GSN: variants seen among roughly 807,000 people sequenced by gnomAD.
GSN encodes actin-depolymerizing factor.
Under a neutral mutation model 85.7 loss-of-function variants are expected in GSN, and 56 were observed. The ratio of observed to expected loss-of-function variants is 0.65; its 90% CI spans 0.53 to 0.82. GSN has a LOEUF of 0.82. Among genes scored for constraint, GSN ranks in the 40% least tolerant of loss-of-function variants. The pLI is 0.00. For synonymous variants in GSN, 373 were observed against 399.1 expected, an observed-to-expected ratio of 0.93 and a Z score of 0.78; for missense variants, 857 against 979.8, an observed-to-expected ratio of 0.87 and a Z score of 1.67.
upstream of GSN, among the ~76,000 whole-genome samples, chr9:121,205,033 C>T (rs117335954): frequency 7.6e-3 from 1,153 of 152,258 alleles, 6 homozygotes; most frequent in Non-Finnish European, 0.013. Context: ...AATAAAAAGC[C>T]CACAAGGAGC....
At chr9:121,249,467 A>G (rs557141314) in intron 6 of GSN, among the ~76,000 whole-genome samples, 4 of 152,240 alleles carry the variant, frequency 2.6e-5, no homozygotes, top group East Asian at 3.9e-4. Context: ...ACAGCCTGAG[A>G]CCCTGTCTCA....
At chr9:121,272,492 G>A (rs1381908180) in intron 1 of GSN, among the ~76,000 whole-genome samples, 1 of 152,222 alleles carries the variant, frequency 6.6e-6, no homozygotes, top group Non-Finnish European at 1.5e-5. Flanking sequence ...CTCCCCACAT[G>A]TACTTGGGTC....
At position 121,260,115 on chromosome 9, in the gene GSN, A is replaced by AC. The variant is rs1479455847; in HGVS notation, c.-340-5035dup. ...AGAGGAAGCTGGACAGCTCCCTGAG[A>AC]CCCCAAGGGGGCTCACCTAGAGACC... On this transcript the variant is annotated intron_variant, in intron 6 of 24. Transcript: ENST00000373823. 2.0e-5 allele frequency among the ~76,000 whole-genome samples: 3 copies of AC among 152,298 alleles called. No homozygotes were observed. In the East Asian group the frequency reaches 5.8e-4, roughly 29 times the overall value.
intron 12 of GSN, among the ~76,000 whole-genome samples, chr9:121,325,080 G>A (rs909898725): frequency 5.3e-5 from 8 of 152,196 alleles, no homozygotes; most frequent in East Asian, 1.9e-4. Flanking sequence ...AAGTCACTTA[G>A]CCTCTCTGTG....
chr9:121,265,077 G>C (rs1461507815), upstream of GSN: 1 of 152,244 alleles, frequency 6.6e-6, no homozygotes, highest in Admixed American at 6.5e-5. Context: ...TGTTCCATGG[G>C]ATATTTCAGG....
chr9:121,312,594 C>G, intron 6 of GSN, 106 bp downstream of exon 6: 1 of 821,424 alleles, frequency 1.2e-6, no homozygotes, highest in South Asian at 2.0e-5. Flanking sequence ...AAAAAACTTC[C>G]GCTCTACCCC....
At chr9:121,207,921 ATATGTGTGTGTGTGTGTG>A (rs976327050) in intron 1 of GSN, 1 of 59,266 alleles carries the variant, frequency 1.7e-5, no homozygotes, top group African/African-American at 4.6e-5. Flanking sequence ...CATCTGGCTA[ATATGTGTGTGTGTGTGTG>A]TGTGTGTGTG....
At chr9:121,222,955 C>T (rs2054198235) in intron 4 of GSN, 1 of 151,898 alleles carries the variant, frequency 6.6e-6, no homozygotes, top group Non-Finnish European at 1.5e-5. Flanking sequence ...CCTGATTCTT[C>T]CCTTTGGGTG....
intron 2 of GSN, 54 bp from the exon 3 acceptor site, chr9:121,301,909 G>A: frequency 6.2e-7 from 1 of 1,612,644 alleles, no homozygotes; most frequent in Non-Finnish European, 8.5e-7. Flanking sequence ...CATGCCTGGG[G>A]TCTCTCCCTG....
At position 121,318,735 on chromosome 9, in the gene GSN, A is replaced by G; in HGVS notation, c.1046A>G (p.Asp349Gly). ...KQFFKNWRDPDQTDGLGLSYL... is the reference protein window; with the variant it reads ...KQFFKNWRDPGQTDGLGLSYL... Reference sequence around the variant, plus strand: ...TTCTTCAAGAACTGGCGGGACCCAGACCAGACAGATGGCCTGGGCTTGTCC... The same window carrying G: ...TTCTTCAAGAACTGGCGGGACCCAGGCCAGACAGATGGCCTGGGCTTGTCC... Residue 349 changes from aspartate to glycine, a missense_variant, in exon 10 of 18, where the codon GAC becomes GGC. By Grantham distance (94) the Asp-to-Gly change is moderately conservative (BLOSUM62 -1). Transcript: ENST00000432226. This position sits in a 1 kb window ranked among gnomAD's most constrained non-coding sequence, Gnocchi z 4.3. 6.2e-7 allele frequency: 1 copy of G among 1,613,576 alleles called. No homozygotes were observed. Among genetic ancestry groups the G allele is most frequent in the Non-Finnish European group, 8.5e-7 (1 of 1,179,584 alleles).
intron 12 of GSN, among the ~76,000 whole-genome samples, chr9:121,325,982 T>C (rs1157003595): frequency 6.6e-6 from 1 of 151,564 alleles, no homozygotes; most frequent in Non-Finnish European, 1.5e-5. Flanking sequence ...GGGGCCACGG[T>C]AAGGTGCCGC....
chr9:121,327,796 A>G (rs1463149527), intron 14 of GSN, among the ~76,000 whole-genome samples: 1 of 152,172 alleles, frequency 6.6e-6, no homozygotes, highest in East Asian at 1.9e-4. Context: ...CAACATGGAG[A>G]AACCCCATCT....
intron 4 of GSN, among the ~76,000 whole-genome samples, chr9:121,212,652 T>C (rs1588401538): frequency 1.3e-5 from 2 of 151,922 alleles, no homozygotes; most frequent in Admixed American, 6.6e-5. Context: ...GGCCTTTTTT[T>C]TTTTTTTCTG....
In GSN at chr9:121,329,031, G is replaced by A. The variant is rs1447187239; in HGVS notation, c.1887+16G>A. ...ACGTTTTGTGGTGAGCCCCTGCGGA[G>A]GTCACACCTCTGCTTTCCCCTCGGG... On this transcript the variant is annotated intron_variant, in intron 15 of 17. Coordinates refer to ENST00000432226, the MANE Select transcript of GSN (RefSeq NM_198252.3). This position sits in a 1 kb window ranked among gnomAD's most constrained non-coding sequence, Gnocchi z 4.6. 1 of 1,613,070 alleles carries A rather than the reference G, an allele frequency of 6.2e-7. No homozygotes were observed. Among genetic ancestry groups the A allele is most frequent in the Non-Finnish European group, 8.5e-7 (1 of 1,179,912 alleles).
intron 2 of GSN, among the ~76,000 whole-genome samples, chr9:121,209,922 A>G (rs2053943208): frequency 6.6e-6 from 1 of 152,216 alleles, no homozygotes; most frequent in Non-Finnish European, 1.5e-5. Context: ...GCCTCTCTGC[A>G]TAGTATCTGG....
chr9:121,303,547 C>G (rs1168293264), intron 4 of GSN, among the ~76,000 whole-genome samples: 1 of 152,220 alleles, frequency 6.6e-6, no homozygotes, highest in Non-Finnish European at 1.5e-5. Flanking sequence ...GAGTCTGGAT[C>G]AAGACAGAGC....
Position 121,299,961 on chromosome 9 carries a change from G to A in GSN, c.-9-2002G>A, listed in dbSNP as rs2059633051. The A allele has an allele frequency of 7.8e-7, 1 of 1,285,482 alleles. No individual in the cohort carries two copies. The highest frequency in any genetic ancestry group is 1.5e-5 in the African/African-American group (1 of 64,990). The allele number at this position is 1,285,482 out of a possible 1,614,324, so 79.6% of individuals were successfully genotyped here. ...CCGCGCGGCCACTGCGTCGCGGGGG[G>A]CGTCCCAGGCGGGGGCGCCCCAGGG... On this transcript the variant is annotated intron_variant, in intron 2 of 17. Coordinates refer to ENST00000432226, the MANE Select transcript of GSN (RefSeq NM_198252.3). The surrounding 1 kb of genome is among the most constrained non-coding windows in gnomAD (Gnocchi z 4.2).
intron 2 of GSN, chr9:121,283,070 C>T (rs1285110762): frequency 6.0e-6 from 1 of 167,378 alleles, no homozygotes; most frequent in Non-Finnish European, 1.5e-5. Context: ...ATGTGCCAGT[C>T]TCTAGTGCAG....
At chr9:121,221,135 C>T (rs531714348) in intron 4 of GSN, among the ~76,000 whole-genome samples, 6 of 152,232 alleles carry the variant, frequency 3.9e-5, no homozygotes, top group Admixed American at 2.0e-4. Context: ...AGGGGCGCCT[C>T]GGCCCAGTCC....
Sources: allele counts gnomAD v4.1 joint callset (sites outside exome capture counted in the v4.1 genomes callset), GRCh38; gene constraint gnomAD v4.1.1; non-coding constraint Gnocchi (gnomAD v3.1); transcripts MANE v1.5; gene names NCBI Gene and HGNC (gene_info 2026-07-23, HGNC 2026-07-21).